The following MFAP5 variants were observed in gnomAD, a reference collection of about 807,000 sequenced individuals.
MFAP5 encodes the protein microfibril associated protein 5.
A neutral mutation model predicts 30.1 loss-of-function variants in MFAP5; 19 were observed. The observed-to-expected ratio is 0.63, with a 90% CI of 0.44 to 0.93. The LOEUF is 0.93. Among genes scored for constraint, MFAP5 ranks in the 40% least tolerant of loss-of-function variants. MFAP5 has a pLI of 0.00. For synonymous variants in MFAP5, 92 were observed against 72.9 expected, an observed-to-expected ratio of 1.26 and a Z score of -1.33; for missense variants, 210 against 221.3, an observed-to-expected ratio of 0.95 and a Z score of 0.32.
At chr12:8,652,491 A>G (rs12322866) in intron 6 of MFAP5, among the ~76,000 whole-genome samples, 16,987 of 152,014 alleles carry the variant, frequency 0.11, 1,381 homozygotes, top group African/African-American at 0.23. Context: ...GAATAATGAG[A>G]GTCATCCTAA....
intron 3 of MFAP5, among the ~76,000 whole-genome samples, chr12:8,659,063 C>A (rs905464023): frequency 6.7e-6 from 1 of 149,360 alleles, no homozygotes; most frequent in Non-Finnish European, 1.5e-5. Context: ...AATCCCAGCA[C>A]TTTGGGAGGC....
chr12:8,655,396 T>C lies in MFAP5; in HGVS notation c.172+19A>G. ...AACAAGAACCATGCCATTTTTTTTT[T>C]AACTGCGGTAAAATTTACCTGTTTC... On this transcript the variant is annotated intron_variant, in intron 5 of 9. Coordinates refer to ENST00000359478, the MANE Select transcript of MFAP5 (RefSeq NM_003480.4). 6.3e-7 allele frequency: 1 copy of C among 1,580,244 alleles called. No homozygotes were observed. The highest frequency in any genetic ancestry group is 1.2e-5 in the South Asian group (1 of 86,358).
At position 8,650,587 on chromosome 12, in the gene MFAP5, A is replaced by C; in HGVS notation, c.250T>G (p.Cys84Gly). Reference sequence around the variant, plus strand: ...GTGCAGGTAAATTTCTCATCCCAGCACTCTGAGGAAGCCCAATACAAAAAA... The same window carrying C: ...GTGCAGGTAAATTTCTCATCCCAGCCCTCTGAGGAAGCCCAATACAAAAAA... ...SLSEKNTTAE[C>G]WDEKFTCTRL... Residue 84 changes from cysteine to glycine, a missense_variant and splice_region_variant, in exon 8 of 10, where the codon TGC becomes GGC. Cys to Gly is a radical substitution (Grantham distance 159). Transcript: ENST00000359478. 6.2e-7 allele frequency: 1 copy of C among 1,612,936 alleles called. No homozygotes were observed. The highest frequency in any genetic ancestry group is 8.5e-7 in the Non-Finnish European group (1 of 1,179,866).
At chr12:8,660,477 T>A (rs1024776172) in intron 3 of MFAP5, among the ~76,000 whole-genome samples, 1 of 152,094 alleles carries the variant, frequency 6.6e-6, no homozygotes, top group African/African-American at 2.4e-5. Context: ...ATAAGATGAC[T>A]TCTTATCCTG....
chr12:8,651,438 A>G (rs1013442277), intron 7 of MFAP5, among the ~76,000 whole-genome samples: 5 of 152,170 alleles, frequency 3.3e-5, no homozygotes, highest in African/African-American at 7.2e-5. Context: ...GGAGAGGGCT[A>G]TTTGGGGACC....
chr12:8,650,313 C>T, intron 8 of MFAP5, 189 bp downstream of exon 8: 1 of 586,874 alleles, frequency 1.7e-6, no homozygotes, highest in Non-Finnish European at 3.1e-6. Context: ...TATTACTCTG[C>T]CTGTTCTTTG....
chr12:8,655,821 G>A lies in MFAP5; in HGVS notation c.104C>T (p.Thr35Ile). Residue 35 changes from threonine (T) to isoleucine (I), a missense_variant, in exon 4 of 10, where the codon ACT (threonine) becomes ATT (isoleucine). Transcript: ENST00000359478. ...GVNSQRGDDVTQATPETFTED... is the reference protein window; with the variant it reads ...GVNSQRGDDVIQATPETFTED... ...TGTGAATGTTTCTGGAGTCGCTTGA[G>A]TCACATCGTCTGAAAAGAAAATTAG... 6.2e-7 allele frequency: 1 copy of A among 1,610,982 alleles called. No homozygotes were observed. The highest frequency in any genetic ancestry group is 8.5e-7 in the Non-Finnish European group (1 of 1,178,890).
At position 8,650,516 on chromosome 12, in the gene MFAP5, CT is replaced by C; in HGVS notation, c.320del (p.Gln107ArgfsTer29). 3.7e-6 allele frequency: 6 copies of C among 1,614,058 alleles called. No individual in the cohort carries two copies. Among genetic ancestry groups the C allele is most frequent in the Non-Finnish European group, 5.1e-6 (6 of 1,179,954 alleles). On this transcript the variant is annotated frameshift_variant, in exon 8 of 10. Coordinates refer to ENST00000359478, the MANE Select transcript of MFAP5 (RefSeq NM_003480.4). LOFTEE classifies it high-confidence loss of function. Reference sequence around the variant, plus strand: ...GGATCCCTTACCTGGTGAAGCATAACTGATGAATGCATTGTTTAACCGGCCG... The same window carrying C: ...GGATCCCTTACCTGGTGAAGCATAACGATGAATGCATTGTTTAACCGGCCG... ...VHRPVKQCIH[Q>X]LCFTSLRRMY...
intron 3 of MFAP5, among the ~76,000 whole-genome samples, chr12:8,660,425 G>A (rs745443479): frequency 2.0e-4 from 30 of 151,686 alleles, no homozygotes; most frequent in Non-Finnish European, 2.4e-4. Context: ...GGGCTCAAGC[G>A]ATCCTCCTGC....
intron 3 of MFAP5, 53 bp downstream of exon 3, chr12:8,660,810 T>G: frequency 6.7e-7 from 1 of 1,498,214 alleles, no homozygotes; most frequent in Non-Finnish European, 9.2e-7. Context: ...TCTGTTCATC[T>G]AAATTTTCCT....
chr12:8,656,615 T>C (rs1292223242), intron 3 of MFAP5, among the ~76,000 whole-genome samples: 6 of 133,822 alleles, frequency 4.5e-5, no homozygotes, highest in African/African-American at 2.0e-4. Flanking sequence ...CACACATATA[T>C]ATACACACAT....
intron 3 of MFAP5, among the ~76,000 whole-genome samples, chr12:8,659,078 G>C (rs1459707901): frequency 6.6e-6 from 1 of 151,168 alleles, no homozygotes; most frequent in African/African-American, 2.4e-5. Context: ...GGAGGCCGAG[G>C]CCTGCAGATC....
At chr12:8,655,492 A>G (rs1941956745) in intron 4 of MFAP5, 45 bp from the exon 5 acceptor site, 1 of 1,582,714 alleles carries the variant, frequency 6.3e-7, no homozygotes, top group African/African-American at 1.4e-5. Flanking sequence ...AGTCAGGAAA[A>G]GTAGCTAAGG....
chr12:8,661,934 T>G, intron 2 of MFAP5, 113 bp downstream of exon 2: 1 of 1,034,492 alleles, frequency 9.7e-7, no homozygotes, highest in South Asian at 1.3e-5. Flanking sequence ...CAGAGCTCAA[T>G]ACCAAGCATC....
rs1433137975 is a variant in MFAP5 at position 8,660,853 on chromosome 12, G to A, written c.94+10C>T. 1 of 1,610,256 alleles carries A rather than the reference G, an allele frequency of 6.2e-7. No homozygotes were observed. The highest frequency in any genetic ancestry group is 8.5e-7 in the Non-Finnish European group (1 of 1,176,992). On this transcript the variant is annotated intron_variant, in intron 3 of 9. Coordinates refer to ENST00000359478, the MANE Select transcript of MFAP5 (RefSeq NM_003480.4). ...ACCCCAACAGAGCCGCTATCCAAGGGTTCACCTACCTCCTCGTTGACTATT... is the reference window on the plus strand; with the variant it reads ...ACCCCAACAGAGCCGCTATCCAAGGATTCACCTACCTCCTCGTTGACTATT...
chr12:8,654,401 G>T (rs373117460), intron 6 of MFAP5, 36 bp downstream of exon 6: 2 of 1,569,766 alleles, frequency 1.3e-6, no homozygotes, highest in Non-Finnish European at 1.7e-6. Context: ...GCCTAGAATG[G>T]CCCTGATGAC....
In MFAP5 at chr12:8,662,024, G is replaced by A. The variant is rs781438753; in HGVS notation, c.58+23C>T. The stretch of plus-strand genomic sequence containing the variant: ...TATAGCTGAGGAGCTGAGGGTTTAG[G>A]GAGCAAAGAATAAAGGACTCACCAG... On this transcript the variant is annotated intron_variant, in intron 2 of 9. Transcript: ENST00000359478. 4.3e-6 allele frequency: 7 copies of A among 1,610,806 alleles called. No homozygotes were observed. In the East Asian group the frequency reaches 6.7e-5, roughly 15 times the overall value.
rs183369305 is a variant in MFAP5, at chr12:8,647,714, G to T, written c.*377C>A. The stretch of plus-strand genomic sequence containing the variant: ...TCTATGGTTAGCCCAAATAGACAAA[G>T]ATAGCTTCTTCAACCCTAAGATCTA... On this transcript the variant is annotated 3_prime_UTR_variant, in exon 10 of 10. Transcript: ENST00000359478. 1.8e-3 allele frequency: 271 copies of T among 152,894 alleles called. 1 individual carries two copies. Among genetic ancestry groups the T allele is most frequent in the African/African-American group, 6.2e-3 (256 of 41,586 alleles). 9.5% of individuals were successfully genotyped at this position (152,894 alleles called of 1,614,324 possible). A position where few individuals can be genotyped will look rare whatever the true frequency, so the allele number is the denominator to read the frequency against.
At chr12:8,656,931 G>A (rs1565527133) in intron 3 of MFAP5, among the ~76,000 whole-genome samples, 1 of 152,044 alleles carries the variant, frequency 6.6e-6, no homozygotes, top group Non-Finnish European at 1.5e-5. Context: ...GCCTCCCAGT[G>A]TGCTAGGATT....
Sources: allele counts gnomAD v4.1 joint callset (sites outside exome capture counted in the v4.1 genomes callset), GRCh38; gene constraint gnomAD v4.1.1; transcripts MANE v1.5; gene names NCBI Gene and HGNC (gene_info 2026-07-23, HGNC 2026-07-21).